The following H2BW2 variants were observed in gnomAD, a reference collection of about 807,000 sequenced individuals.
The protein encoded by H2BW2 is histone H2B type F-M.
A neutral mutation model predicts 9.2 loss-of-function variants in H2BW2; 8 were observed. The observed-to-expected ratio is 0.87, with a 90% confidence interval of 0.51 to 1.57. H2BW2 has a LOEUF of 1.57. Among genes scored for constraint, H2BW2 ranks in the 40% most tolerant of loss-of-function variants. The probability of loss-of-function intolerance (pLI) is 0.00; values close to 1 mark genes in which losing one functional copy is unlikely to be tolerated. For missense variants in H2BW2, 193 were observed against 137.3 expected, an observed-to-expected ratio of 1.41 and a Z score of -2.03; for synonymous variants, 80 against 56.8, an observed-to-expected ratio of 1.41 and a Z score of -1.84.
At position 104,040,267 on chromosome X, in the gene H2BW2, C is replaced by A; in HGVS notation, c.273C>A (p.Ala91=). Residue 91 remains alanine, a synonymous_variant, in exon 1 of 4, where the codon GCC becomes GCA. Coordinates refer to ENST00000675318, the MANE Select transcript of H2BW2 (RefSeq NM_001388464.1). Reference sequence around the variant, plus strand: ...TCCATGACATATTGGACCGCATCGCCACCGAGGCTGGTCAGCTGGCCCATT... The same window carrying A: ...TCCATGACATATTGGACCGCATCGCAACCGAGGCTGGTCAGCTGGCCCATT... The part of the protein sequence containing the change: ...SMIHDILDRI[A]TEAGQLAHYT... The A allele has an allele frequency of 1.7e-6, 2 of 1,196,276 alleles. No individual in the cohort carries two copies. The highest frequency in any genetic ancestry group is 2.3e-6 in the Non-Finnish European group (2 of 887,628).
chrX:104,040,491 C>T, intron 1 of H2BW2, 87 bp downstream of exon 1: 2 of 911,019 alleles, frequency 2.2e-6, no homozygotes, highest in South Asian at 2.6e-5. Flanking sequence ...GCCCGTGGCC[C>T]TATAGGCCAG....
Position 104,040,059 on chromosome X carries a change from C to T in H2BW2, c.65C>T (p.Ala22Val). Residue 22 changes from alanine to valine, a missense_variant, in exon 1 of 4, where the codon GCC (alanine) becomes GTC (valine). By Grantham distance (64) the Ala-to-Val change is moderately conservative. Coordinates refer to ENST00000675318, the MANE Select transcript of H2BW2 (RefSeq NM_001388464.1). ...EGQSIQEPKE[A>V]NSTKAQKQKR... ...CAGAGCATCCAGGAGCCCAAAGAGG[C>T]CAACTCCACGAAGGCCCAGAAGCAG... 8.6e-7 allele frequency: 1 copy of T among 1,166,427 alleles called. No homozygotes were observed. The highest frequency in any genetic ancestry group is 1.1e-6 in the Non-Finnish European group (1 of 872,462).
At chrX:104,040,504 G>C (rs1378465235) in intron 1 of H2BW2, 100 bp downstream of exon 1, 63 of 811,483 alleles carry the variant, frequency 7.8e-5, no homozygotes, top group Non-Finnish European at 1.0e-4. Context: ...TAGGCCAGTG[G>C]CCCGCCAAGG....
At position 104,040,326 on chromosome X, in the gene H2BW2, T is replaced by C; in HGVS notation, c.332T>C (p.Ile111Thr). Residue 111 changes from isoleucine (I) to threonine (T), a missense_variant, in exon 1 of 4, where the codon ATC becomes ACC. Ile to Thr is a moderately conservative substitution (Grantham distance 89). Coordinates refer to ENST00000675318, the MANE Select transcript of H2BW2 (RefSeq NM_001388464.1). The part of the protein sequence containing the change: ...TKRVTITSRD[I>T]QMAVRLLLPG... ...CGCGTGACCATCACCTCCCGGGACA[T>C]CCAGATGGCCGTGCGACTGCTGCTG... is the stretch of plus-strand genomic sequence containing the variant. 8.4e-7 allele frequency: 1 copy of C among 1,193,956 alleles called. No individual in the cohort carries two copies. Among genetic ancestry groups the C allele is most frequent in the South Asian group, 1.9e-5 (1 of 54,005 alleles).
chrX:104,040,159 C>A lies in H2BW2; in HGVS notation c.165C>A (p.Thr55=), dbSNP rs1556343739. The part of the protein sequence containing the change: ...RRGDSFGDSF[T]PYFPRVLKQV... ...GGGACAGCTTCGGGGACAGCTTCAC[C>A]CCCTATTTCCCCCGGGTGCTGAAGC... The change falls in exon 1 of 4, where the codon ACC becomes ACA. Residue 55 remains threonine (T), a synonymous_variant. Transcript: ENST00000675318. 8.4e-7 allele frequency: 1 copy of A among 1,186,130 alleles called. No individual in the cohort carries two copies.
At chrX:104,040,517 G>T (rs1425620479) in intron 1 of H2BW2, 113 bp downstream of exon 1, 5 of 736,734 alleles carry the variant, frequency 6.8e-6, no homozygotes, top group East Asian at 7.0e-5. Flanking sequence ...CGCCAAGGGG[G>T]GGACCCCACC....
Position 104,040,245 on chromosome X carries a change from A to C in H2BW2, c.251A>C (p.His84Pro). 2 of 1,194,999 alleles carry C rather than the reference A, an allele frequency of 1.7e-6. No individual in the cohort carries two copies. Among genetic ancestry groups the C allele is most frequent in the South Asian group, 1.8e-5 (1 of 54,361 alleles). ...EAVSVMDSMI[H>P]DILDRIATEA... ...GTGAGTGTCATGGATTCTATGATCC[A>C]TGACATATTGGACCGCATCGCCACC... Residue 84 changes from histidine (H) to proline (P), a missense_variant, in exon 1 of 4, where the codon CAT (histidine) becomes CCT (proline). By Grantham distance (77) the His-to-Pro change is moderately conservative (BLOSUM62 -2). Coordinates refer to ENST00000675318, the MANE Select transcript of H2BW2 (RefSeq NM_001388464.1).
intron 2 of H2BW2, 29 bp downstream of exon 2, chrX:104,040,915 C>G: frequency 8.4e-7 from 1 of 1,188,046 alleles, no homozygotes; most frequent in Non-Finnish European, 1.1e-6. Context: ...TTCAGCATCT[C>G]TCTCATCATG....
Position 104,040,038 on chromosome X carries a change from G to A in H2BW2, c.44G>A (p.Ser15Asn). ...GAGACAACCTCGGAGGAAGGCCAGA[G>A]CATCCAGGAGCCCAAAGAGGCCAAC... ...SSETTSEEGQSIQEPKEANST... is the reference protein window; with the variant it reads ...SSETTSEEGQNIQEPKEANST... The change falls in exon 1 of 4, where the codon AGC (serine) becomes AAC (asparagine). Residue 15 changes from serine to asparagine, a missense_variant. Physicochemically the swap from Ser to Asn is conservative, Grantham distance 46 (BLOSUM62 1). Transcript: ENST00000675318. The A allele has an allele frequency of 8.6e-7, 1 of 1,166,553 alleles. No individual in the cohort carries two copies. The highest frequency in any genetic ancestry group is 1.9e-5 in the South Asian group (1 of 52,046).
chrX:104,040,747 C>T, intron 1 of H2BW2, 81 bp from the exon 2 acceptor site: 1 of 549,023 alleles, frequency 1.8e-6, no homozygotes, highest in Non-Finnish European at 3.2e-6. Flanking sequence ...TCTAGGTTAT[C>T]TTTATGATGA....
In H2BW2 at chrX:104,040,068, C is replaced by A. The variant is rs373863467; in HGVS notation, c.74C>A (p.Thr25Lys). The stretch of plus-strand genomic sequence containing the variant: ...CAGGAGCCCAAAGAGGCCAACTCCA[C>A]GAAGGCCCAGAAGCAGAAGAGGCGA... ...SIQEPKEANS[T>K]KAQKQKRRGC... Residue 25 changes from threonine to lysine, a missense_variant, in exon 1 of 4, where the codon ACG (threonine) becomes AAG (lysine). Transcript: ENST00000675318. 2 of 1,165,687 alleles carry A rather than the reference C, an allele frequency of 1.7e-6. No individual in the cohort carries two copies. The highest frequency in any genetic ancestry group is 1.9e-5 in the South Asian group (1 of 51,759).
rs1233194520 is a variant in H2BW2 at position 104,040,838 on chromosome X, T to C, written c.421T>C (p.Cys141Arg). Residue 141 changes from cysteine (C) to arginine (R), a missense_variant, in exon 2 of 4, where the codon TGT (cysteine) becomes CGT (arginine). Cys to Arg is a radical substitution (Grantham distance 180). Transcript: ENST00000675318. Reference protein sequence around the residue: ...GTNAALRTSLCAIWQQRK With the variant: ...GTNAALRTSLRAIWQQRK Reference sequence around the variant, plus strand: ...GGTGGGATTTTCCAGAACTTCATTATGTGCGATATGGCAACAGAGAAAGTG... The same window carrying C: ...GGTGGGATTTTCCAGAACTTCATTACGTGCGATATGGCAACAGAGAAAGTG... 2 of 926,597 alleles carry C rather than the reference T, an allele frequency of 2.2e-6. No homozygotes were observed. The highest frequency in any genetic ancestry group is 3.9e-5 in the South Asian group (2 of 50,634). The allele number at this position is 926,597 out of a possible 1,213,427, so 76.4% of individuals were successfully genotyped here.
intron 3 of H2BW2, 153 bp downstream of exon 3, chrX:104,041,259 G>T (rs2075203208): frequency 1.3e-5 from 2 of 158,118 alleles, no homozygotes. Context: ...CAGCCTTCCT[G>T]TTATATTCAA....
intron 1 of H2BW2, 56 bp downstream of exon 1, chrX:104,040,460 A>G (rs1556344090): frequency 1.7e-5 from 17 of 1,028,710 alleles, no homozygotes; most frequent in Non-Finnish European, 2.2e-5. Context: ...GGGAAACCCA[A>G]AGGCTCTATT....
Position 104,040,223 on chromosome X carries a change from A to C in H2BW2, c.229A>C (p.Ser77Arg), listed in dbSNP as rs181889222. 800 of 1,191,235 alleles carry C rather than the reference A, an allele frequency of 6.7e-4. 12 individuals carry two copies. The African/African-American group carries it at 0.013, about 19-fold the overall frequency. The change falls in exon 1 of 4, where the codon AGT becomes CGT. Residue 77 changes from serine to arginine, a missense_variant. By Grantham distance (110) the Ser-to-Arg change is moderately radical. Coordinates refer to ENST00000675318, the MANE Select transcript of H2BW2 (RefSeq NM_001388464.1). ...QGLSLSQEAVSVMDSMIHDIL... is the reference protein window; with the variant it reads ...QGLSLSQEAVRVMDSMIHDIL... ...CCTCAGCCTTTCCCAGGAGGCCGTG[A>C]GTGTCATGGATTCTATGATCCATGA...
intron 3 of H2BW2, chrX:104,041,801 C>T (rs138238057): frequency 1.8e-5 from 2 of 112,550 alleles, no homozygotes; most frequent in African/African-American, 6.5e-5. Context: ...AAGGATGGCA[C>T]TCTCAGTCAA....
At chrX:104,041,143 C>G in intron 3 of H2BW2, 37 bp downstream of exon 3, 1 of 373,076 alleles carries the variant, frequency 2.7e-6, no homozygotes, top group Non-Finnish European at 4.8e-6. Flanking sequence ...TCCACGGAAA[C>G]AGCTCATGCC....
intron 3 of H2BW2, 79 bp downstream of exon 3, chrX:104,041,185 C>T (rs1414306063): frequency 3.7e-6 from 1 of 270,610 alleles, no homozygotes; most frequent in Non-Finnish European, 6.5e-6. Flanking sequence ...AATGAGTGAC[C>T]TGCAGTCTAT....
At chrX:104,041,042 TTC>T (rs782232020) in intron 2 of H2BW2, 44 bp from the exon 3 acceptor site, 16 of 525,265 alleles carry the variant, frequency 3.0e-5, no homozygotes, top group Non-Finnish European at 4.6e-5. Flanking sequence ...TTGTAATTCA[TTC>T]TCTTTTTGTA....
Sources: gnomAD v4.1 joint callset for allele counts on GRCh38, gnomAD v4.1.1 for gene constraint, MANE v1.5 for transcripts, NCBI Gene and HGNC (gene_info 2026-07-23, HGNC 2026-07-21) for gene names.